UNC5D: variants seen among roughly 807,000 people sequenced by gnomAD.
The protein encoded by UNC5D is netrin receptor UNC5D.
UNC5D carries 39 observed loss-of-function variants against 105.4 expected under a neutral mutation model. The ratio of observed to expected loss-of-function variants is 0.37; its 90% CI spans 0.29 to 0.48. UNC5D has a LOEUF of 0.48. Among genes scored for constraint, UNC5D ranks in the 20% least tolerant of loss-of-function variants. The pLI is 0.98. For missense variants in UNC5D, 991 were observed against 1,202.4 expected (o/e 0.82, Z 2.60); for synonymous variants, 452 against 450.4 (o/e 1.00, Z -0.04).
At chr8:35,241,681 A>AAATTTT (rs1323990189) in intron 1 of UNC5D, among the ~76,000 whole-genome samples, 2 of 150,174 alleles carry the variant, frequency 1.3e-5, no homozygotes, top group Non-Finnish European at 3.0e-5. Context: ...TTTTATTTTT[A>AAATTTT]AATTTTAACA....
chr8:35,657,613 T>C lies in UNC5D; in HGVS notation c.571-25934T>C, dbSNP rs552406860. Among the ~76,000 whole-genome samples, 4 of 152,184 alleles carry C rather than the reference T, an allele frequency of 2.6e-5. No homozygotes were observed. The South Asian group carries it at 8.3e-4, about 32-fold the overall frequency. On this transcript the variant is annotated intron_variant, in intron 4 of 16. Transcript: ENST00000404895. ...GATCCTCCCACCTCAGCTTCCTGAGTAGCTGAGAGTACAAGCATGTGCCAC... is the reference window on the plus strand; with the variant it reads ...GATCCTCCCACCTCAGCTTCCTGAGCAGCTGAGAGTACAAGCATGTGCCAC...
chr8:35,547,289 T>TTTC, intron 1 of UNC5D, among the ~76,000 whole-genome samples: 1 of 109,986 alleles, frequency 9.1e-6, no homozygotes, highest in African/African-American at 4.0e-5. Context: ...ATTACTCTTT[T>TTTC]TTTTTTTTTT....
intron 1 of UNC5D, among the ~76,000 whole-genome samples, chr8:35,526,361 A>G (rs1017146895): frequency 5.3e-5 from 8 of 152,070 alleles, no homozygotes; most frequent in Non-Finnish European, 1.0e-4. Flanking sequence ...AATAGTGGGA[A>G]CTCACCTCAT....
In UNC5D at chr8:35,590,287, T is replaced by G. The variant is rs74897369; in HGVS notation, c.467-5267T>G. 1.7e-3 allele frequency among the ~76,000 whole-genome samples: 259 copies of G among 152,238 alleles called. 3 individuals are homozygous for G. The highest frequency in any genetic ancestry group is 5.9e-3 in the African/African-American group (246 of 41,570). ...TGACAAAACACTACCTACCAATCAA[T>G]CCCTTAAGGGATCTTTAATTTCAAG... On this transcript the variant is annotated intron_variant, in intron 3 of 16. Transcript: ENST00000404895.
At chr8:35,725,124 A>C (rs997339834) in intron 9 of UNC5D, among the ~76,000 whole-genome samples, 5 of 152,206 alleles carry the variant, frequency 3.3e-5, no homozygotes, top group Middle Eastern at 3.2e-3. Flanking sequence ...ATAGAGGCTA[A>C]TACAATATGG....
At chr8:35,250,891 G>C (rs1803650073) in intron 1 of UNC5D, among the ~76,000 whole-genome samples, 1 of 151,778 alleles carries the variant, frequency 6.6e-6, no homozygotes, top group East Asian at 1.9e-4. Context: ...CAGTGTGTAG[G>C]TCCCATTTAT....
intron 1 of UNC5D, among the ~76,000 whole-genome samples, chr8:35,281,340 G>A (rs1806141519): frequency 6.6e-6 from 1 of 152,040 alleles, no homozygotes; most frequent in Non-Finnish European, 1.5e-5. Flanking sequence ...TTATCAAAGA[G>A]CTATACCTAT....
intron 11 of UNC5D, among the ~76,000 whole-genome samples, chr8:35,734,040 GT>G (rs1273955560): frequency 1.3e-5 from 2 of 151,810 alleles, no homozygotes; most frequent in Non-Finnish European, 2.9e-5. Flanking sequence ...GCATTCAACA[GT>G]GTCCTTCCAA....
chr8:35,675,459 C>T (rs971858383), intron 4 of UNC5D, among the ~76,000 whole-genome samples: 3 of 152,122 alleles, frequency 2.0e-5, no homozygotes, highest in African/African-American at 7.2e-5. Context: ...AAAATGATCA[C>T]AGGCAATGAG....
At chr8:35,544,685 C>T in intron 1 of UNC5D, 1 of 1,063,110 alleles carries the variant, frequency 9.4e-7, no homozygotes, top group Non-Finnish European at 1.3e-6. Flanking sequence ...TCACGGCAAC[C>T]TCTGCCTTCC....
rs963425060 is a variant in UNC5D, at chr8:35,525,750, G to A, written c.104-23542G>A. ...GCTCCCAACGCTGAAGTACTCGCCC[G>A]GAGGAGCCGCCATCTTGGGAGTGCC... On this transcript the variant is annotated intron_variant, in intron 1 of 16. Coordinates refer to ENST00000404895, the MANE Select transcript of UNC5D (RefSeq NM_080872.4). 78 of 1,560,704 alleles carry A rather than the reference G, an allele frequency of 5.0e-5. No individual in the cohort carries two copies. In the Admixed American group the frequency reaches 5.4e-4, roughly 11 times the overall value.
chr8:35,603,909 C>T (rs1820078606), intron 4 of UNC5D, among the ~76,000 whole-genome samples: 1 of 152,114 alleles, frequency 6.6e-6, no homozygotes, highest in South Asian at 2.1e-4. Flanking sequence ...GATCTTCCTC[C>T]ATCCCTTTAT....
chr8:35,644,766 A>G (rs1822947467), intron 4 of UNC5D, among the ~76,000 whole-genome samples: 1 of 152,112 alleles, frequency 6.6e-6, no homozygotes, highest in Non-Finnish European at 1.5e-5. Context: ...GATCATCTTA[A>G]AGAGTTGTGG....
intron 1 of UNC5D, among the ~76,000 whole-genome samples, chr8:35,545,146 G>A (rs1269199027): frequency 6.6e-6 from 1 of 152,204 alleles, no homozygotes; most frequent in Non-Finnish European, 1.5e-5. Flanking sequence ...TGTGGCATAT[G>A]TGTTGAGATT....
intron 1 of UNC5D, among the ~76,000 whole-genome samples, chr8:35,509,098 G>T (rs1812519209): frequency 6.6e-6 from 1 of 152,142 alleles, no homozygotes; most frequent in African/African-American, 2.4e-5. Context: ...AACTTTAATT[G>T]TGTGCCCGGG....
chr8:35,279,081 G>A (rs1226316796), intron 1 of UNC5D, among the ~76,000 whole-genome samples: 1 of 152,120 alleles, frequency 6.6e-6, no homozygotes, highest in Middle Eastern at 3.2e-3. Flanking sequence ...ATGACCGCCA[G>A]CCTAGGAGGC....
At chr8:35,550,018 A>G (rs1385162115) in intron 2 of UNC5D, among the ~76,000 whole-genome samples, 1 of 146,272 alleles carries the variant, frequency 6.8e-6, no homozygotes, top group African/African-American at 2.6e-5. Flanking sequence ...ATATCCTAGC[A>G]GGATCTCCAG....
At chr8:35,612,387 T>G (rs1036655105) in intron 4 of UNC5D, among the ~76,000 whole-genome samples, 45 of 152,124 alleles carry the variant, frequency 3.0e-4, no homozygotes, top group African/African-American at 1.0e-3. Context: ...ATGCAAGTGT[T>G]AGGAACCAAA....
chr8:35,316,542 A>C (rs1160290260), intron 1 of UNC5D, among the ~76,000 whole-genome samples: 1 of 152,198 alleles, frequency 6.6e-6, no homozygotes, highest in Non-Finnish European at 1.5e-5. Context: ...ATATTTTTAC[A>C]GAAGACTGAC....
Sources: allele counts gnomAD v4.1 joint callset (sites outside exome capture counted in the v4.1 genomes callset), GRCh38; gene constraint gnomAD v4.1.1; transcripts MANE v1.5; gene names NCBI Gene and HGNC (gene_info 2026-07-23, HGNC 2026-07-21).